Variants in HIVEP2 observed in about 807,000 individuals in gnomAD.
The protein encoded by HIVEP2 is HIVEP zinc finger 2, also known as transcription factor HIVEP2.
Under a neutral mutation model 180.7 loss-of-function variants are expected in HIVEP2, and 14 were observed. That is an observed-to-expected ratio of 0.08 (90% confidence interval 0.05 to 0.12). The LOEUF is 0.12. Ranked by LOEUF, HIVEP2 falls within the 10% of genes least tolerant of loss-of-function variation. The pLI, the probability that HIVEP2 is intolerant of heterozygous loss-of-function variation, is 1.00. For synonymous variants in HIVEP2, 1,184 were observed against 1,136.4 expected (o/e 1.04, Z -0.84); for missense variants, 2,579 against 3,008.5 (o/e 0.86, Z 3.34).
At chr6:142,814,923 G>A (rs1776793871) in intron 2 of HIVEP2, among the ~76,000 whole-genome samples, 1 of 152,058 alleles carries the variant, frequency 6.6e-6, no homozygotes, top group Non-Finnish European at 1.5e-5. Flanking sequence ...CCACAGACTG[G>A]GTAATTTATA....
chr6:142,830,516 G>A (rs1180944267), intron 2 of HIVEP2, among the ~76,000 whole-genome samples: 1 of 151,966 alleles, frequency 6.6e-6, no homozygotes, highest in Non-Finnish European at 1.5e-5. Flanking sequence ...GCAGGGTGAA[G>A]GTTAAGAAAA....
At position 142,894,622 on chromosome 6, in the gene HIVEP2, C is replaced by T. The variant is rs144139752; in HGVS notation, c.-641+50477G>A. 3.3e-5 allele frequency among the ~76,000 whole-genome samples: 5 copies of T among 152,314 alleles called. No homozygotes were observed. The East Asian group carries it at 9.6e-4, about 29-fold the overall frequency. On this transcript the variant is annotated intron_variant, in intron 1 of 9. Coordinates refer to ENST00000367603, the MANE Select transcript of HIVEP2 (RefSeq NM_006734.4). ...GACAACAGAAGTTATGTTTCAAGAT[C>T]ACATTTATTGAGTGTCCAGCGTGTC...
intron 2 of HIVEP2, among the ~76,000 whole-genome samples, chr6:142,796,043 C>G (rs1008631195): frequency 2.1e-5 from 3 of 142,678 alleles, no homozygotes; most frequent in African/African-American, 7.8e-5. Context: ...ATGAAAGTGA[C>G]CTGTCAATTT....
At chr6:142,826,058 A>G (rs771941098) in intron 2 of HIVEP2, among the ~76,000 whole-genome samples, 3 of 152,230 alleles carry the variant, frequency 2.0e-5, no homozygotes, top group Non-Finnish European at 4.4e-5. Context: ...AAGTGAACAG[A>G]TCTTCCACGC....
rs374204002 is a variant in HIVEP2, at chr6:142,772,708, G to T, written c.2031C>A (p.Pro677=). The change falls in exon 5 of 10, where the codon CCC becomes CCA. Residue 677 remains proline, a synonymous_variant. Coordinates refer to ENST00000367603, the MANE Select transcript of HIVEP2 (RefSeq NM_006734.4). The surrounding 1 kb of genome is among the most constrained non-coding windows in gnomAD (Gnocchi z 4.9). ...TTGGTACTCCCTGCAATGGCACCAC[G>T]GGATCCATGAAATATTCTCCACCAT... ...LKHGGEYFMD[P]VVPLQGVPSM... is the part of the protein sequence containing the mutation. The T allele has an allele frequency of 6.8e-6, 11 of 1,614,142 alleles. No individual in the cohort carries two copies. In the East Asian group the frequency reaches 2.5e-4, roughly 36 times the overall value.
chr6:142,869,307 A>G (rs935758007), intron 1 of HIVEP2, among the ~76,000 whole-genome samples: 4 of 152,196 alleles, frequency 2.6e-5, no homozygotes, highest in Non-Finnish European at 5.9e-5. Flanking sequence ...TGAAAAATGA[A>G]GTGCATGTAG....
At chr6:142,915,437 C>G (rs1382032185) in intron 1 of HIVEP2, among the ~76,000 whole-genome samples, 1 of 152,160 alleles carries the variant, frequency 6.6e-6, no homozygotes, top group African/African-American at 2.4e-5. Flanking sequence ...AGGCACAGAA[C>G]AGATTTCCCC....
At chr6:142,822,636 G>C (rs924789290) in intron 2 of HIVEP2, among the ~76,000 whole-genome samples, 2 of 152,144 alleles carry the variant, frequency 1.3e-5, no homozygotes, top group Non-Finnish European at 2.9e-5. Context: ...TCCATTTGTG[G>C]TTAAGAGCCC....
intron 1 of HIVEP2, among the ~76,000 whole-genome samples, chr6:142,935,257 G>T (rs1381477265): frequency 6.6e-6 from 1 of 152,186 alleles, no homozygotes; most frequent in Non-Finnish European, 1.5e-5. Flanking sequence ...ACTTAAGAGT[G>T]CACAGACAGG....
At chr6:142,830,842 C>A (rs947486664) in intron 2 of HIVEP2, among the ~76,000 whole-genome samples, 2 of 152,220 alleles carry the variant, frequency 1.3e-5, no homozygotes, top group Middle Eastern at 3.4e-3. Context: ...TGCTACCCAC[C>A]CCCAGAATGC....
intron 1 of HIVEP2, among the ~76,000 whole-genome samples, chr6:142,942,888 C>T (rs1384500937): frequency 1.3e-5 from 2 of 152,116 alleles, no homozygotes. Context: ...GTTTTATACC[C>T]GACCTATGCT....
chr6:142,760,482 T>C lies in HIVEP2; in HGVS notation c.5806A>G (p.Thr1936Ala), dbSNP rs561982571. ...DLTPKTRSRSTSPQPPRFSSL... is the reference protein window; with the variant it reads ...DLTPKTRSRSASPQPPRFSSL... The stretch of plus-strand genomic sequence containing the variant: ...GAGAATCTAGGAGGCTGAGGACTGG[T>C]GCTTCTTGATCTTGTTTTTGGTGTT... Residue 1936 changes from threonine to alanine, a missense_variant, in exon 9 of 10, where the codon ACC (threonine) becomes GCC (alanine). Transcript: ENST00000367603. 1.2e-6 allele frequency: 2 copies of C among 1,614,146 alleles called. No homozygotes were observed. The highest frequency in any genetic ancestry group is 4.5e-5 in the East Asian group (2 of 44,880).
At chr6:142,941,250 C>A (rs1221141167) in intron 1 of HIVEP2, among the ~76,000 whole-genome samples, 1 of 152,116 alleles carries the variant, frequency 6.6e-6, no homozygotes, top group Non-Finnish European at 1.5e-5. Context: ...GACTAAGAAA[C>A]CTGTGTTATC....
intron 1 of HIVEP2, among the ~76,000 whole-genome samples, chr6:142,898,873 A>T (rs938453746): frequency 2.0e-5 from 3 of 152,092 alleles, no homozygotes. Flanking sequence ...TCCTGTGCTC[A>T]CTATTCTAAA....
rs183605844 is a variant in HIVEP2, at chr6:142,876,920, G to A, written c.-640-39873C>T. Among the ~76,000 whole-genome samples, 6 of 152,180 alleles carry A rather than the reference G, an allele frequency of 3.9e-5. No homozygotes were observed. The East Asian group carries it at 1.2e-3, about 29-fold the overall frequency. Reference sequence around the variant, plus strand: ...AAACATTAGTTGAGCGTGGTGGCATGGGCCTATAGTCGCAGCTACTCAGGA... The same window carrying A: ...AAACATTAGTTGAGCGTGGTGGCATAGGCCTATAGTCGCAGCTACTCAGGA... On this transcript the variant is annotated intron_variant, in intron 1 of 9. Transcript: ENST00000367603.
chr6:142,783,711 T>C (rs954006938), intron 2 of HIVEP2, 96 bp from the exon 3 acceptor site: 1 of 152,126 alleles, frequency 6.6e-6, no homozygotes, highest in Non-Finnish European at 1.5e-5. Flanking sequence ...CTGCCTTCCT[T>C]TAGGAAAGAA....
chr6:142,849,947 C>T (rs1303819476), intron 1 of HIVEP2, among the ~76,000 whole-genome samples: 1 of 152,176 alleles, frequency 6.6e-6, no homozygotes. Flanking sequence ...TACTAAGCCA[C>T]AGCATCACAG....
intron 1 of HIVEP2, among the ~76,000 whole-genome samples, chr6:142,860,883 A>G (rs1775961134): frequency 6.6e-6 from 1 of 152,204 alleles, no homozygotes; most frequent in African/African-American, 2.4e-5. Context: ...AAATTCTGCA[A>G]CTTGTCTAAG....
intron 2 of HIVEP2, among the ~76,000 whole-genome samples, chr6:142,818,075 A>G (rs1334867592): frequency 6.6e-6 from 1 of 152,114 alleles, no homozygotes; most frequent in Non-Finnish European, 1.5e-5. Context: ...ATGTGTATGA[A>G]GCATGTATTA....
Sources: gnomAD v4.1 joint callset for allele counts (sites outside exome capture counted in the v4.1 genomes callset) on GRCh38, gnomAD v4.1.1 for gene constraint, Gnocchi (gnomAD v3.1) non-coding constraint, MANE v1.5 for transcripts, NCBI Gene and HGNC (gene_info 2026-07-23, HGNC 2026-07-21) for gene names.